The following ROBO2 variants were observed in gnomAD, a reference collection of about 807,000 sequenced individuals.
The protein encoded by ROBO2 is roundabout guidance receptor 2, also known as roundabout homolog 2.
In ROBO2, 53 loss-of-function variants were observed where a neutral mutation model predicts 160.8. That is an observed-to-expected ratio of 0.33 (90% CI 0.26 to 0.41). The LOEUF (loss-of-function observed/expected upper bound fraction) is 0.41, where lower values mean the gene tolerates loss of function less well. Ranked by LOEUF, ROBO2 falls within the 10% of genes least tolerant of loss-of-function variation. The probability of loss-of-function intolerance (pLI) is 1.00; values close to 1 mark genes in which losing one functional copy is unlikely to be tolerated. For missense variants in ROBO2, 1,577 were observed against 1,722.4 expected, an observed-to-expected ratio of 0.92 and a Z score of 1.49; for synonymous variants, 664 against 611.7, an observed-to-expected ratio of 1.09 and a Z score of -1.26.
intron 2 of ROBO2, among the ~76,000 whole-genome samples, chr3:76,594,742 T>C (rs797012074): frequency 3.9e-5 from 6 of 152,126 alleles, no homozygotes; most frequent in African/African-American, 1.4e-4. Flanking sequence ...GCCAAATAAA[T>C]AAATGATGTT....
chr3:76,896,423 A>C (rs2074779861), intron 2 of ROBO2, among the ~76,000 whole-genome samples: 1 of 152,094 alleles, frequency 6.6e-6, no homozygotes, highest in Non-Finnish European at 1.5e-5. Flanking sequence ...GGATGTATTG[A>C]CTACTTAAAT....
intron 2 of ROBO2, among the ~76,000 whole-genome samples, chr3:76,451,718 A>G (rs1057203598): frequency 2.6e-5 from 4 of 152,190 alleles, no homozygotes; most frequent in African/African-American, 9.7e-5. Context: ...AAATTGTTAG[A>G]TTCAATCCGT....
intron 2 of ROBO2, among the ~76,000 whole-genome samples, chr3:76,735,503 T>A (rs1387304301): frequency 6.6e-6 from 1 of 152,112 alleles, no homozygotes; most frequent in Admixed American, 6.5e-5. Flanking sequence ...GTCTCACGCC[T>A]GTAATCTCAG....
At chr3:76,216,879 A>C (rs1485325853) in intron 2 of ROBO2, among the ~76,000 whole-genome samples, 1 of 152,138 alleles carries the variant, frequency 6.6e-6, no homozygotes, top group Non-Finnish European at 1.5e-5. Context: ...ACCACACCAC[A>C]CCTACTCCAA....
chr3:77,516,562 A>C (rs1215486582), intron 5 of ROBO2, among the ~76,000 whole-genome samples: 1 of 151,530 alleles, frequency 6.6e-6, no homozygotes, highest in Non-Finnish European at 1.5e-5. Flanking sequence ...ATTTTGGCGG[A>C]GAGAGAGAAA....
upstream of ROBO2, among the ~76,000 whole-genome samples, chr3:77,038,112 A>G (rs2063743687): frequency 6.6e-6 from 1 of 152,182 alleles, no homozygotes; most frequent in South Asian, 2.1e-4. Context: ...ATGTTTCTAA[A>G]CCACAGTGTT....
intron 2 of ROBO2, among the ~76,000 whole-genome samples, chr3:76,611,547 T>C (rs1395659804): frequency 2.0e-5 from 3 of 152,154 alleles, no homozygotes; most frequent in African/African-American, 4.8e-5. Flanking sequence ...GTTTTCCGAT[T>C]TATTGGCATA....
chr3:76,555,954 G>C (rs1162143097), intron 2 of ROBO2, among the ~76,000 whole-genome samples: 5 of 151,976 alleles, frequency 3.3e-5, no homozygotes, highest in Non-Finnish European at 2.9e-5. Flanking sequence ...GGCCAGGTGT[G>C]GTGGTGGGCA....
At chr3:76,173,497 A>G (rs1391888128) in intron 2 of ROBO2, among the ~76,000 whole-genome samples, 2 of 151,774 alleles carry the variant, frequency 1.3e-5, no homozygotes, top group East Asian at 3.9e-4. Flanking sequence ...ATTTATCCTA[A>G]TGCTCTCCCT....
At chr3:77,192,087 C>T (rs1290562725) in intron 2 of ROBO2, among the ~76,000 whole-genome samples, 2 of 152,060 alleles carry the variant, frequency 1.3e-5, no homozygotes, top group East Asian at 1.9e-4. Flanking sequence ...CATTATTTAG[C>T]GAAGTTGGAT....
intron 2 of ROBO2, among the ~76,000 whole-genome samples, chr3:76,169,191 C>G (rs2072944959): frequency 2.0e-5 from 3 of 152,100 alleles, no homozygotes; most frequent in Non-Finnish European, 4.4e-5. Context: ...ATTTCTTCTT[C>G]CCACTTTATT....
chr3:77,304,261 A>G (rs1464060754), intron 2 of ROBO2, among the ~76,000 whole-genome samples: 1 of 152,194 alleles, frequency 6.6e-6, no homozygotes, highest in Non-Finnish European at 1.5e-5. Context: ...TGTATAACGC[A>G]TGTGCATATT....
intron 9 of ROBO2, among the ~76,000 whole-genome samples, chr3:77,559,348 C>T (rs1023698078): frequency 1.3e-5 from 2 of 152,100 alleles, no homozygotes; most frequent in African/African-American, 4.8e-5. Flanking sequence ...GTACATTCAA[C>T]TCATTCAACT....
At chr3:76,370,725 G>A (rs1227771770) in intron 2 of ROBO2, among the ~76,000 whole-genome samples, 3 of 151,774 alleles carry the variant, frequency 2.0e-5, no homozygotes, top group Non-Finnish European at 1.5e-5. Context: ...TGCACCAAAG[G>A]CATACTTTTC....
chr3:77,572,749 A>G (rs1050169606), intron 13 of ROBO2, among the ~76,000 whole-genome samples: 2 of 151,800 alleles, frequency 1.3e-5, no homozygotes, highest in African/African-American at 2.4e-5. Flanking sequence ...GAGGCTCTGC[A>G]TTTTTAACTT....
chr3:76,201,350 C>G (rs1241161181), intron 2 of ROBO2, among the ~76,000 whole-genome samples: 1 of 152,072 alleles, frequency 6.6e-6, no homozygotes, highest in Non-Finnish European at 1.5e-5. Flanking sequence ...TTCCATTATT[C>G]TTAGGACCGT....
chr3:76,489,006 C>A (rs2079652814), intron 2 of ROBO2, among the ~76,000 whole-genome samples: 1 of 145,552 alleles, frequency 6.9e-6, no homozygotes, highest in Admixed American at 7.1e-5. Flanking sequence ...ATTGCTTGAA[C>A]CCCAGGAGGT....
chr3:76,500,019 T>C (rs1281280365), intron 2 of ROBO2, among the ~76,000 whole-genome samples: 7 of 152,188 alleles, frequency 4.6e-5, no homozygotes, highest in Non-Finnish European at 1.0e-4. Flanking sequence ...AATTTGTTTT[T>C]TCATTTAATC....
At chr3:76,936,789 A>G (rs900529903) in intron 2 of ROBO2, among the ~76,000 whole-genome samples, 1 of 136,086 alleles carries the variant, frequency 7.3e-6, no homozygotes, top group Non-Finnish European at 1.6e-5. Flanking sequence ...TTGAGTCTTT[A>G]ACTCAATTTT....
Sources: allele counts gnomAD v4.1 joint callset (sites outside exome capture counted in the v4.1 genomes callset), GRCh38; gene constraint gnomAD v4.1.1; transcripts MANE v1.5; gene names NCBI Gene and HGNC (gene_info 2026-07-23, HGNC 2026-07-21).